Variants in ATAD2B observed in about 807,000 individuals in gnomAD.
The protein encoded by ATAD2B is ATPase family AAA domain-containing protein 2B.
A neutral mutation model predicts 167.6 loss-of-function variants in ATAD2B; 40 were observed. The ratio of observed to expected loss-of-function variants is 0.24; its 90% CI spans 0.19 to 0.31. The LOEUF is 0.31. Ranked by LOEUF, ATAD2B falls within the 10% of genes least tolerant of loss-of-function variation. The pLI, the probability that ATAD2B is intolerant of heterozygous loss-of-function variation, is 1.00. For missense variants in ATAD2B, 1,242 were observed against 1,757.2 expected (o/e 0.71, Z 5.24); for synonymous variants, 579 against 596.5 (o/e 0.97, Z 0.43).
chr2:23,726,114 C>G, the ATAD2B span, among the ~76,000 whole-genome samples: 1 of 152,202 alleles, frequency 6.6e-6, no homozygotes, highest in Admixed American at 6.5e-5. Flanking sequence ...CATGCACATT[C>G]ATTTTATATT....
At chr2:23,780,983 G>T (rs1423497120) in intron 22 of ATAD2B, among the ~76,000 whole-genome samples, 2 of 151,690 alleles carry the variant, frequency 1.3e-5, no homozygotes, top group African/African-American at 4.8e-5. Context: ...TTAAAAATAA[G>T]AAGCATTTTT....
Position 23,862,401 on chromosome 2 carries a change from G to GTTT in ATAD2B, c.1479+977_1479+979dup, listed in dbSNP as rs750865073. Among the ~76,000 whole-genome samples the GTTT allele has an allele frequency of 5.3e-3, 527 of 99,414 alleles. 1 individual carries two copies. Among genetic ancestry groups the GTTT allele is most frequent in the Non-Finnish European group, 6.9e-3 (367 of 52,824 alleles). 65.2% of individuals were successfully genotyped at this position (99,414 alleles called of 152,430 possible). A position where few individuals can be genotyped will look rare whatever the true frequency, so the allele number is the denominator to read the frequency against. ...CAAAAGTGAATTTATATTTGGACTG[G>GTTT]TTTTTTTTTTTTTTTTTTTTTTTTT... is the stretch of plus-strand genomic sequence containing the variant. On this transcript the variant is annotated intron_variant, in intron 12 of 27. Coordinates refer to ENST00000238789, the MANE Select transcript of ATAD2B (RefSeq NM_017552.4).
intron 10 of ATAD2B, among the ~76,000 whole-genome samples, chr2:23,865,654 A>C (rs1695029961): frequency 6.6e-6 from 1 of 152,134 alleles, no homozygotes; most frequent in Non-Finnish European, 1.5e-5. Context: ...GCAAGAAAAA[A>C]TCTTAGCTAT....
the ATAD2B span, chr2:23,696,350 G>A: frequency 1.9e-6 from 3 of 1,551,608 alleles, no homozygotes; most frequent in Admixed American, 3.9e-5. This position sits in a 1 kb window ranked among gnomAD's most constrained non-coding sequence, Gnocchi z 5.5. Flanking sequence ...GGAATCAGGG[G>A]TGACGCTGGC....
At chr2:23,703,407 G>C in the ATAD2B span, 1 of 1,446,752 alleles carries the variant, frequency 6.9e-7, no homozygotes, top group Non-Finnish European at 9.1e-7. Context: ...CCTCAGCCCA[G>C]GGCCAGGGTC....
At chr2:23,816,951 C>A (rs2149590015) in intron 17 of ATAD2B, among the ~76,000 whole-genome samples, 1 of 152,206 alleles carries the variant, frequency 6.6e-6, no homozygotes, top group African/African-American at 2.4e-5. Flanking sequence ...CCAGCAATAC[C>A]CAGGCTAGTG....
At chr2:23,888,187 CAA>C (rs1698969238) in intron 3 of ATAD2B, among the ~76,000 whole-genome samples, 161 bp downstream of exon 3, 2 of 152,112 alleles carry the variant, frequency 1.3e-5, no homozygotes, top group African/African-American at 4.8e-5. Context: ...GCTGATTTCT[CAA>C]AGTTTAACAA....
chr2:23,810,424 G>A lies in ATAD2B; in HGVS notation c.2346C>T (p.His782=), dbSNP rs1685371459. 1.2e-6 allele frequency: 2 copies of A among 1,613,926 alleles called. No homozygotes were observed. Among genetic ancestry groups the A allele is most frequent in the Non-Finnish European group, 1.7e-6 (2 of 1,179,822 alleles). Residue 782 remains histidine, a synonymous_variant, in exon 18 of 28, where the codon CAC becomes CAT. Coordinates refer to ENST00000238789, the MANE Select transcript of ATAD2B (RefSeq NM_017552.4). ...SGERGSGQTS[H]LAPALLHTLE... ...GAGTGTGCAAAAGTGCTGGAGCAAG[G>A]TGAGAAGTTTGACCTGAGCCCCGTT...
intron 13 of ATAD2B, among the ~76,000 whole-genome samples, chr2:23,852,708 C>T (rs1293496607): frequency 6.6e-6 from 1 of 152,102 alleles, no homozygotes; most frequent in Admixed American, 6.6e-5. Flanking sequence ...CACCTGAGGT[C>T]AGGCGTTCAA....
chr2:23,708,145 GAC>G, the ATAD2B span: 1 of 152,250 alleles, frequency 6.6e-6, no homozygotes, highest in Non-Finnish European at 1.5e-5. Context: ...AGTATTTGAT[GAC>G]ACAAAATTCC....
intron 12 of ATAD2B, among the ~76,000 whole-genome samples, chr2:23,860,297 A>G (rs2150007869): frequency 6.6e-6 from 1 of 152,332 alleles, no homozygotes; most frequent in South Asian, 2.1e-4. Flanking sequence ...TAACGGCACA[A>G]AACAAAAATA....
chr2:23,830,511 G>C (rs1215432429), intron 14 of ATAD2B, among the ~76,000 whole-genome samples: 3 of 152,166 alleles, frequency 2.0e-5, no homozygotes, highest in Admixed American at 6.5e-5. Context: ...TTACTGGCTT[G>C]ATGAGGAATC....
At chr2:23,884,352 T>C (rs1194167308) in intron 6 of ATAD2B, among the ~76,000 whole-genome samples, 2 of 152,128 alleles carry the variant, frequency 1.3e-5, no homozygotes, top group Admixed American at 1.3e-4. Context: ...TCTCTAAACT[T>C]TACTCTTTAT....
At chr2:23,918,612 T>C (rs1029219644) in intron 1 of ATAD2B, among the ~76,000 whole-genome samples, 4 of 152,178 alleles carry the variant, frequency 2.6e-5, no homozygotes, top group African/African-American at 7.2e-5. Context: ...CTATTCATAC[T>C]TTCAGTCCCA....
the ATAD2B span, chr2:23,690,820 T>C: frequency 6.6e-6 from 1 of 152,232 alleles, no homozygotes; most frequent in African/African-American, 2.4e-5. Flanking sequence ...TTTGCAATGG[T>C]TTTGTATTCC....
chr2:23,918,523 C>T (rs577230245), intron 1 of ATAD2B, among the ~76,000 whole-genome samples: 160 of 152,246 alleles, frequency 1.1e-3, no homozygotes, highest in African/African-American at 3.6e-3. Flanking sequence ...TGCTCCTCTC[C>T]CTACACACTG....
chr2:23,886,930 C>CAAA lies in ATAD2B; in HGVS notation c.572+899_572+901dup, dbSNP rs771470947. ...TGGGTGACAGAGCGAGACTCCATCTCAAAAAAAAAAAAAGGGAAAAAGAAA... is the reference window on the plus strand; with the variant it reads ...TGGGTGACAGAGCGAGACTCCATCTCAAAAAAAAAAAAAAAAGGGAAAAAGAAA... On this transcript the variant is annotated intron_variant, in intron 4 of 27. Transcript: ENST00000238789. Among the ~76,000 whole-genome samples the CAAA allele has an allele frequency of 1.7e-5, 2 of 116,424 alleles. 1 individual carries two copies. The highest frequency in any genetic ancestry group is 3.6e-5 in the Non-Finnish European group (2 of 55,738). 76.4% of individuals were successfully genotyped at this position (116,424 alleles called of 152,430 possible). A position where few individuals can be genotyped will look rare whatever the true frequency, so the allele number is the denominator to read the frequency against.
chr2:23,731,204 T>C, the ATAD2B span, among the ~76,000 whole-genome samples: 2 of 149,806 alleles, frequency 1.3e-5, no homozygotes, highest in Non-Finnish European at 3.0e-5. Context: ...GGTAAGGAAA[T>C]AATTCATTAA....
intron 22 of ATAD2B, among the ~76,000 whole-genome samples, chr2:23,778,515 T>C (rs1679512386): frequency 6.6e-6 from 1 of 152,172 alleles, no homozygotes; most frequent in African/African-American, 2.4e-5. Context: ...AGAGCAAATA[T>C]GCAGGTACCC....
Sources: gnomAD v4.1 joint callset for allele counts (sites outside exome capture counted in the v4.1 genomes callset) on GRCh38, gnomAD v4.1.1 for gene constraint, Gnocchi (gnomAD v3.1) non-coding constraint, MANE v1.5 for transcripts, NCBI Gene and HGNC (gene_info 2026-07-23, HGNC 2026-07-21) for gene names.